The following TULP4 variants were observed in gnomAD, a reference collection of about 807,000 sequenced individuals.
TULP4 encodes TUB like protein 4, also known as tubby-related protein 4.
Under a neutral mutation model 129.0 loss-of-function variants are expected in TULP4, and 16 were observed. That is an observed-to-expected ratio of 0.12 (90% CI 0.08 to 0.19). The LOEUF is 0.19. TULP4 is among the 10% of genes least tolerant of loss of function. The probability of loss-of-function intolerance (pLI) is 1.00; values close to 1 mark genes in which losing one functional copy is unlikely to be tolerated. For missense variants in TULP4, 1,842 were observed against 2,059.1 expected, an observed-to-expected ratio of 0.89 and a Z score of 2.04; for synonymous variants, 998 against 854.0, an observed-to-expected ratio of 1.17 and a Z score of -2.94.
At chr6:158,441,522 A>G (rs1213515604) in intron 3 of TULP4, among the ~76,000 whole-genome samples, 2 of 152,166 alleles carry the variant, frequency 1.3e-5, no homozygotes, top group Non-Finnish European at 2.9e-5. Context: ...ATGGTGAACT[A>G]CAAAATTGAT....
At chr6:158,497,310 C>G (rs1780355937) in intron 11 of TULP4, among the ~76,000 whole-genome samples, 1 of 152,180 alleles carries the variant, frequency 6.6e-6, no homozygotes, top group South Asian at 2.1e-4. Context: ...TTTTCAAAGA[C>G]AGTATATGGC....
chr6:158,306,199 A>C (rs2128478811), intron 1 of TULP4, among the ~76,000 whole-genome samples: 1 of 152,388 alleles, frequency 6.6e-6, no homozygotes, highest in African/African-American at 2.4e-5. Context: ...TATATGTGAA[A>C]TGGAACACTG....
chr6:158,498,912 C>G, intron 12 of TULP4, 100 bp downstream of exon 12: 1 of 1,466,982 alleles, frequency 6.8e-7, no homozygotes, highest in Non-Finnish European at 9.4e-7. Flanking sequence ...AGTCTGCTAC[C>G]TGGGTTTGGA....
At chr6:158,356,984 CA>C (rs1255375954) in intron 1 of TULP4, among the ~76,000 whole-genome samples, 1 of 151,946 alleles carries the variant, frequency 6.6e-6, no homozygotes, top group African/African-American at 2.4e-5. Flanking sequence ...CTTCCATTTC[CA>C]AAAAAATAGA....
chr6:158,475,249 C>T (rs1779791391), intron 6 of TULP4, among the ~76,000 whole-genome samples: 2 of 152,228 alleles, frequency 1.3e-5, no homozygotes, highest in South Asian at 2.1e-4. Context: ...AAGCCTGCCC[C>T]TCCATGGGCC....
chr6:158,468,688 A>G (rs1330401313), intron 6 of TULP4, among the ~76,000 whole-genome samples: 2 of 152,252 alleles, frequency 1.3e-5, no homozygotes, highest in Non-Finnish European at 2.9e-5. Flanking sequence ...TTGGGCTGCT[A>G]TAAGAAAATA....
At chr6:158,461,462 T>C (rs1779425556) in intron 5 of TULP4, 101 bp from the exon 6 acceptor site, 7 of 1,136,904 alleles carry the variant, frequency 6.2e-6, no homozygotes, top group Non-Finnish European at 5.0e-6. Flanking sequence ...TTGTATTTGC[T>C]CAGTGTCTGT....
chr6:158,457,691 A>G (rs2115170335), intron 5 of TULP4, among the ~76,000 whole-genome samples: 1 of 152,304 alleles, frequency 6.6e-6, no homozygotes, highest in East Asian at 1.9e-4. Flanking sequence ...TTGCCTTGAA[A>G]TTAAAAGCTC....
chr6:158,475,477 A>G (rs553824290), intron 6 of TULP4, among the ~76,000 whole-genome samples: 2 of 152,360 alleles, frequency 1.3e-5, no homozygotes, highest in African/African-American at 2.4e-5. Context: ...TAGTCGTTTT[A>G]TGGGATTTGA....
At chr6:158,454,825 C>T (rs970881745) in intron 5 of TULP4, among the ~76,000 whole-genome samples, 4 of 151,964 alleles carry the variant, frequency 2.6e-5, no homozygotes, top group South Asian at 2.1e-4. Flanking sequence ...AGGCTGGTCT[C>T]GAACTTCTGA....
At chr6:158,259,354 A>C (rs1443820987) in intron 1 of TULP4, among the ~76,000 whole-genome samples, 1 of 151,942 alleles carries the variant, frequency 6.6e-6, no homozygotes, top group Non-Finnish European at 1.5e-5. Context: ...TAGATCACAT[A>C]CTCCACTGAC....
intron 6 of TULP4, among the ~76,000 whole-genome samples, chr6:158,478,815 A>AT (rs1779875087): frequency 6.6e-6 from 1 of 151,988 alleles, no homozygotes; most frequent in Non-Finnish European, 1.5e-5. Context: ...TTTTTTTATT[A>AT]TAAGAATTTT....
chr6:158,330,192 C>T (rs1195873204), intron 1 of TULP4, among the ~76,000 whole-genome samples: 2 of 152,142 alleles, frequency 1.3e-5, no homozygotes, highest in African/African-American at 2.4e-5. Flanking sequence ...GGATTAGCCA[C>T]ACTGGCAAGT....
intron 1 of TULP4, among the ~76,000 whole-genome samples, chr6:158,410,701 C>T (rs2115003071): frequency 6.6e-6 from 1 of 152,104 alleles, no homozygotes; most frequent in Middle Eastern, 3.4e-3. Context: ...TTTTATTTAC[C>T]ATTTGGAAAT....
At position 158,341,656 on chromosome 6, in the gene TULP4, AT is replaced by A. The variant is rs1198232243; in HGVS notation, c.252+27390del. 3.3e-5 allele frequency among the ~76,000 whole-genome samples: 5 copies of A among 151,928 alleles called. No individual in the cohort carries two copies. In the East Asian group the frequency reaches 9.6e-4, roughly 29 times the overall value. ...TGTAGTTTTGATTTGCATGTCTCTG[AT>A]TAGTGATGTTGGGCATTTTTTTTTC... On this transcript the variant is annotated intron_variant, in intron 1 of 13. Transcript: ENST00000367097.
intron 1 of TULP4, among the ~76,000 whole-genome samples, chr6:158,274,447 T>A (rs553317621): frequency 6.6e-6 from 1 of 152,086 alleles, no homozygotes; most frequent in South Asian, 2.1e-4. Context: ...ACAACAATGT[T>A]GTTCCTGAAA....
chr6:158,355,750 G>A (rs1562532724), intron 1 of TULP4, among the ~76,000 whole-genome samples: 1 of 152,168 alleles, frequency 6.6e-6, no homozygotes, highest in African/African-American at 2.4e-5. Flanking sequence ...AGCCCAGAAT[G>A]ACTCTCAACT....
intron 1 of TULP4, among the ~76,000 whole-genome samples, chr6:158,393,253 G>A (rs1301542183): frequency 6.6e-6 from 1 of 152,214 alleles, no homozygotes; most frequent in Admixed American, 6.5e-5. Context: ...CTGTGGCTCT[G>A]TAGGGTACAG....
chr6:158,280,053 AGTTTGG>A (rs1281623801), upstream of TULP4, among the ~76,000 whole-genome samples: 1 of 152,242 alleles, frequency 6.6e-6, no homozygotes, highest in Non-Finnish European at 1.5e-5. Context: ...TAAAGTTGAC[AGTTTGG>A]TAAGAAGGAA....
Sources: allele counts gnomAD v4.1 joint callset (sites outside exome capture counted in the v4.1 genomes callset), GRCh38; gene constraint gnomAD v4.1.1; transcripts MANE v1.5; gene names NCBI Gene and HGNC (gene_info 2026-07-23, HGNC 2026-07-21).